CKAP4: variants seen among roughly 807,000 people sequenced by gnomAD.
CKAP4 encodes cytoskeleton associated protein 4.
Under a neutral mutation model 24.4 loss-of-function variants are expected in CKAP4, and 20 were observed. That is an observed-to-expected ratio of 0.82 (90% CI 0.58 to 1.19). The LOEUF (loss-of-function observed/expected upper bound fraction) is 1.19, where lower values mean the gene tolerates loss of function less well. CKAP4 is among the 50% of genes most tolerant of loss of function. The pLI, the probability that CKAP4 is intolerant of heterozygous loss-of-function variation, is 0.00. For synonymous variants in CKAP4, 378 were observed against 351.7 expected, an observed-to-expected ratio of 1.07 and a Z score of -0.84; for missense variants, 744 against 765.3, an observed-to-expected ratio of 0.97 and a Z score of 0.33.
rs761195209 is a variant in CKAP4, at chr12:106,239,493, C to T, written c.1340G>A (p.Arg447His). 29 of 1,607,460 alleles carry T rather than the reference C, an allele frequency of 1.8e-5. No homozygotes were observed. The highest frequency in any genetic ancestry group is 3.3e-4 in the Middle Eastern group (2 of 6,074). The change falls in exon 2 of 2, where the codon CGC becomes CAC. Residue 447 changes from arginine to histidine, a missense_variant. Physicochemically the swap from Arg to His is conservative, Grantham distance 29. This residue lies in a region of CKAP4 where 401 missense variants were observed against 424.5 expected (regional missense o/e 0.94). Transcript: ENST00000378026. The surrounding 1 kb of genome is among the most constrained non-coding windows in gnomAD (Gnocchi z 4.9). ...LLSKSQEHEQ[R>H]LAALQGRLEG... is the part of the protein sequence containing the mutation. ...CAGGCGCCCCTGCAGGGCGGCCAGG[C>T]GCTGCTCGTGCTCCTGGCTCTTGGA...
rs761457456 is a variant in CKAP4, at chr12:106,239,567, G to A, written c.1266C>T (p.Ser422=). The change falls in exon 2 of 2, where the codon TCC becomes TCT. Residue 422 remains serine (S), a synonymous_variant. Transcript: ENST00000378026. The surrounding 1 kb of genome is among the most constrained non-coding windows in gnomAD (Gnocchi z 4.9). ...TCTGGCGCGCAGAAGCCACCTGCAT[G>A]GAGAGCACCCCATCCTCCACGTGCT... ...RLQHVEDGVL[S]MQVASARQTE... 1.7e-5 allele frequency: 28 copies of A among 1,613,768 alleles called. No homozygotes were observed. In the South Asian group the frequency reaches 3.0e-4, roughly 17 times the overall value.
At chr12:106,241,482 G>A (rs1319789098) in intron 1 of CKAP4, among the ~76,000 whole-genome samples, 3 of 151,788 alleles carry the variant, frequency 2.0e-5, no homozygotes, top group Non-Finnish European at 2.9e-5. Context: ...ACAGGCGCCC[G>A]CCACTACGCC....
chr12:106,243,147 G>A (rs574331558), intron 1 of CKAP4, among the ~76,000 whole-genome samples: 209 of 152,160 alleles, frequency 1.4e-3, no homozygotes, highest in Non-Finnish European at 2.4e-3. Context: ...TGTTAGCAGT[G>A]GTTGACATTC....
At position 106,238,822 on chromosome 12, in the gene CKAP4, C is replaced by G. The variant is rs946304345; in HGVS notation, c.*202G>C. On this transcript the variant is annotated 3_prime_UTR_variant, in exon 2 of 2. Coordinates refer to ENST00000378026, the MANE Select transcript of CKAP4 (RefSeq NM_006825.4). ...CAGGGGCTGCGCTTCAGGAAACCAA[C>G]CAAATGCAGAAGCAGAGAACTTAAA... 1.6e-6 allele frequency: 1 copy of G among 610,750 alleles called. No individual in the cohort carries two copies. The highest frequency in any genetic ancestry group is 1.8e-5 in the African/African-American group (1 of 54,088). The allele number at this position is 610,750 out of a possible 1,614,324, so 37.8% of individuals were successfully genotyped here.
chr12:106,239,747 G>A lies in CKAP4; in HGVS notation c.1086C>T (p.Ser362=), dbSNP rs763063503. The A allele has an allele frequency of 1.2e-5, 19 of 1,613,866 alleles. No homozygotes were observed. In the East Asian group the frequency reaches 1.3e-4, roughly 11 times the overall value. ...GGATCTCCTCCGGGAGGCGGGAGAC[G>A]GACTCCTCAGACCTGAGAAGCTTCT... ...LTEKLLRSEE[S]VSRLPEEIRR... Residue 362 remains serine, a synonymous_variant, in exon 2 of 2, where the codon TCC becomes TCT. Coordinates refer to ENST00000378026, the MANE Select transcript of CKAP4 (RefSeq NM_006825.4). This position sits in a 1 kb window ranked among gnomAD's most constrained non-coding sequence, Gnocchi z 4.9.
rs1293288508 is a variant in CKAP4, at chr12:106,247,641, C to T, written c.211G>A (p.Gly71Ser). 1.9e-6 allele frequency: 2 copies of T among 1,028,550 alleles called. No individual in the cohort carries two copies. The highest frequency in any genetic ancestry group is 2.5e-6 in the Non-Finnish European group (2 of 812,402). 63.7% of individuals were successfully genotyped at this position (1,028,550 alleles called of 1,614,324 possible). ...GACTTGCCGCCGCCGCCGCCGCCGC[C>T]GCGGTGGCCGCCCTTGCCGTGCGCC... ...NQAHGKGGHRGGGGGGGKSSS... is the reference protein window; with the variant it reads ...NQAHGKGGHRSGGGGGGKSSS... The change falls in exon 1 of 2, where the codon GGC (glycine) becomes AGC (serine). Residue 71 changes from glycine to serine, a missense_variant. Around this residue, in one of 3 missense-constraint regions of CKAP4, gnomAD observed 300 missense variants for 264.5 expected, o/e 1.13. Coordinates refer to ENST00000378026, the MANE Select transcript of CKAP4 (RefSeq NM_006825.4). This position sits in a 1 kb window ranked among gnomAD's most constrained non-coding sequence, Gnocchi z 4.5.
chr12:106,247,804 C>T lies in CKAP4; in HGVS notation c.48G>A (p.Ala16=). The change falls in exon 1 of 2, where the codon GCG becomes GCA. Residue 16 remains alanine, a synonymous_variant. Coordinates refer to ENST00000378026, the MANE Select transcript of CKAP4 (RefSeq NM_006825.4). The surrounding 1 kb of genome is among the most constrained non-coding windows in gnomAD (Gnocchi z 4.5). ...GGTGGGCACCCTTCTCCGAGGGGCTCGCGGCGCCGTGGCCGCCCTTGGAGC... is the reference window on the plus strand; with the variant it reads ...GGTGGGCACCCTTCTCCGAGGGGCTTGCGGCGCCGTGGCCGCCCTTGGAGC... ...QRGSKGGHGA[A]SPSEKGAHPS... The T allele has an allele frequency of 1.9e-6, 2 of 1,051,020 alleles. No individual in the cohort carries two copies. Among genetic ancestry groups the T allele is most frequent in the Non-Finnish European group, 2.3e-6 (2 of 876,360 alleles). The allele number at this position is 1,051,020 out of a possible 1,614,324, so 65.1% of individuals were successfully genotyped here.
chr12:106,241,040 A>G (rs2033965994), intron 1 of CKAP4, among the ~76,000 whole-genome samples: 1 of 151,844 alleles, frequency 6.6e-6, no homozygotes, highest in African/African-American at 2.4e-5. Context: ...TGAGCCCAGG[A>G]GTGCCTTGAG....
intron 1 of CKAP4, chr12:106,246,807 T>A (rs1435242937): frequency 6.6e-6 from 1 of 152,240 alleles, no homozygotes; most frequent in African/African-American, 2.4e-5. Flanking sequence ...GCTGGTCCAA[T>A]ACAGGACAAG....
Position 106,247,305 on chromosome 12 carries a change from G to T in CKAP4, c.483+64C>A. On this transcript the variant is annotated intron_variant, in intron 1 of 1. Coordinates refer to ENST00000378026, the MANE Select transcript of CKAP4 (RefSeq NM_006825.4). This position sits in a 1 kb window ranked among gnomAD's most constrained non-coding sequence, Gnocchi z 4.5. Reference sequence around the variant, plus strand: ...TAGGGGCCGGTCGGGAAGCACGAAGGAGCCCGGCCGTGGGTCCGGAGGCCG... The same window carrying T: ...TAGGGGCCGGTCGGGAAGCACGAAGTAGCCCGGCCGTGGGTCCGGAGGCCG... 7.1e-7 allele frequency: 1 copy of T among 1,417,310 alleles called. No individual in the cohort carries two copies. The highest frequency in any genetic ancestry group is 2.4e-4 in the Middle Eastern group (1 of 4,138). The allele number at this position is 1,417,310 out of a possible 1,614,324, so 87.8% of individuals were successfully genotyped here.
At chr12:106,240,633 AGGTGGCACAT>A (rs2033961395) in intron 1 of CKAP4, among the ~76,000 whole-genome samples, 1 of 150,762 alleles carries the variant, frequency 6.6e-6, no homozygotes, top group Non-Finnish European at 1.5e-5. Context: ...TAACCATTAA[AGGTGGCACAT>A]GGTGCCACCT....
intron 1 of CKAP4, among the ~76,000 whole-genome samples, chr12:106,240,913 A>T (rs900856591): frequency 6.6e-6 from 1 of 152,126 alleles, no homozygotes; most frequent in African/African-American, 2.4e-5. Flanking sequence ...TAATGTGTGG[A>T]TCTTCTATAG....
At position 106,239,479 on chromosome 12, in the gene CKAP4, G is replaced by T; in HGVS notation, c.1354C>A (p.Gln452Lys). The T allele has an allele frequency of 6.2e-7, 1 of 1,606,198 alleles. No homozygotes were observed. ...QEHEQRLAAL[Q>K]GRLEGLGSSE... ...GACCCGAGGCCTTCCAGGCGCCCCT[G>T]CAGGGCGGCCAGGCGCTGCTCGTGC... The change falls in exon 2 of 2, where the codon CAG becomes AAG. Residue 452 changes from glutamine (Q) to lysine (K), a missense_variant. Gln to Lys is a moderately conservative substitution (Grantham distance 53). Transcript: ENST00000378026. This position sits in a 1 kb window ranked among gnomAD's most constrained non-coding sequence, Gnocchi z 4.9.
chr12:106,244,270 T>C (rs2162532), intron 1 of CKAP4, among the ~76,000 whole-genome samples: 2 of 152,222 alleles, frequency 1.3e-5, no homozygotes, highest in Non-Finnish European at 2.9e-5. Flanking sequence ...GTTTGGATCC[T>C]AGCCCAGCCA....
chr12:106,240,717 T>A (rs2033962928), intron 1 of CKAP4, among the ~76,000 whole-genome samples: 1 of 150,612 alleles, frequency 6.6e-6, no homozygotes, highest in African/African-American at 2.4e-5. Context: ...AACAAGAACC[T>A]GACTCTATCA....
chr12:106,243,565 C>G (rs1470342402), intron 1 of CKAP4, among the ~76,000 whole-genome samples: 3 of 152,228 alleles, frequency 2.0e-5, no homozygotes, highest in Non-Finnish European at 4.4e-5. Flanking sequence ...TGCTTTATAT[C>G]ACGCTGGATC....
At position 106,239,315 on chromosome 12, in the gene CKAP4, C is replaced by T. The variant is rs767942357; in HGVS notation, c.1518G>A (p.Val506=). ...TGAGCAGCGTGTGCACCTGCTCCTG[C>T]ACCTTCTGGAGTGATTCCACGGTGC... is the stretch of plus-strand genomic sequence containing the variant. ...LPSTVESLQK[V]QEQVHTLLSQ... is the part of the protein sequence containing the mutation. The change falls in exon 2 of 2, where the codon GTG becomes GTA. Residue 506 remains valine, a synonymous_variant. Coordinates refer to ENST00000378026, the MANE Select transcript of CKAP4 (RefSeq NM_006825.4). The surrounding 1 kb of genome is among the most constrained non-coding windows in gnomAD (Gnocchi z 4.9). 3.1e-6 allele frequency: 5 copies of T among 1,610,086 alleles called. No individual in the cohort carries two copies. In the South Asian group the frequency reaches 5.5e-5, roughly 18 times the overall value.
chr12:106,241,623 G>A (rs1032219282), intron 1 of CKAP4, among the ~76,000 whole-genome samples: 8 of 152,142 alleles, frequency 5.3e-5, no homozygotes, highest in Admixed American at 3.9e-4. Flanking sequence ...GTGAGCCACC[G>A]CGCCTGGCCT....
At chr12:106,243,037 G>C (rs1482637595) in intron 1 of CKAP4, among the ~76,000 whole-genome samples, 1 of 152,168 alleles carries the variant, frequency 6.6e-6, no homozygotes, top group African/African-American at 2.4e-5. Context: ...AACAAATGTG[G>C]GATGCCCACT....
Sources: gnomAD v4.1 joint callset for allele counts (sites outside exome capture counted in the v4.1 genomes callset) on GRCh38, gnomAD v4.1.1 for gene constraint, gnomAD v4.1.1 regional missense constraint, Gnocchi (gnomAD v3.1) non-coding constraint, MANE v1.5 for transcripts, NCBI Gene and HGNC (gene_info 2026-07-23, HGNC 2026-07-21) for gene names.